The following RPS6KB1 variants were observed in gnomAD, a reference collection of about 807,000 sequenced individuals.
The protein encoded by RPS6KB1 is ribosomal protein S6 kinase beta-1.
A neutral mutation model predicts 70.2 loss-of-function variants in RPS6KB1; 12 were observed. The observed-to-expected ratio is 0.17, with a 90% CI of 0.11 to 0.28. The LOEUF is 0.28. Among genes scored for constraint, RPS6KB1 ranks in the 10% least tolerant of loss-of-function variants. The pLI, the probability that RPS6KB1 is intolerant of heterozygous loss-of-function variation, is 1.00. For synonymous variants in RPS6KB1, 175 were observed against 211.2 expected, an observed-to-expected ratio of 0.83 and a Z score of 1.49; for missense variants, 270 against 646.6, an observed-to-expected ratio of 0.42 and a Z score of 6.32.
intron 1 of RPS6KB1, among the ~76,000 whole-genome samples, chr17:59,909,607 T>C (rs1444947699): frequency 1.3e-5 from 2 of 150,564 alleles, no homozygotes; most frequent in African/African-American, 2.4e-5. Context: ...CCGGGTGTGA[T>C]GGCTCACGCC....
intron 7 of RPS6KB1, 121 bp downstream of exon 7, chr17:59,931,843 A>G (rs2043940722): frequency 1.1e-5 from 7 of 641,904 alleles, no homozygotes; most frequent in Non-Finnish European, 1.9e-5. Flanking sequence ...CCTCCCTCAG[A>G]ATTCATGGCA....
In RPS6KB1 at chr17:59,910,011, C is replaced by G. The variant is rs574961679; in HGVS notation, c.142-551C>G. Among the ~76,000 whole-genome samples the G allele has an allele frequency of 2.6e-5, 4 of 151,056 alleles. No individual in the cohort carries two copies. The East Asian group carries it at 7.8e-4, about 29-fold the overall frequency. ...TGGGCAACAGAGCAAGACTCCATCT[C>G]AAAAAATATATATATATACACAAAA... On this transcript the variant is annotated intron_variant, in intron 1 of 14. Transcript: ENST00000225577.
intron 13 of RPS6KB1, among the ~76,000 whole-genome samples, chr17:59,943,843 C>T (rs2044755509): frequency 6.8e-6 from 1 of 146,230 alleles, no homozygotes; most frequent in African/African-American, 2.5e-5. Context: ...CACTGCACTC[C>T]AGCCTGGGCG....
At chr17:59,908,613 A>ATTTTT (rs546677930) in intron 1 of RPS6KB1, among the ~76,000 whole-genome samples, 31 of 106,186 alleles carry the variant, frequency 2.9e-4, no homozygotes, top group African/African-American at 4.3e-4. Flanking sequence ...TGTAAAAAAA[A>ATTTTT]TTTTTTTTTT....
chr17:59,910,495 CAA>C lies in RPS6KB1; in HGVS notation c.142-65_142-64del, dbSNP rs2042569912. On this transcript the variant is annotated intron_variant, in intron 1 of 14. Transcript: ENST00000225577. ...CATTCATTCTCTTTCAGTTATGAGA[CAA>C]AGAATTAAACCTTTAAATTTTATGT... The C allele has an allele frequency of 8.1e-6, 8 of 986,472 alleles. No individual in the cohort carries two copies. In the South Asian group the frequency reaches 1.1e-4, roughly 13 times the overall value. 61.1% of individuals were successfully genotyped at this position (986,472 alleles called of 1,614,324 possible). A position where few individuals can be genotyped will look rare whatever the true frequency, so the allele number is the denominator to read the frequency against.
Position 59,893,984 on chromosome 17 carries a change from T to C in RPS6KB1, c.141+659T>C. On this transcript the variant is annotated intron_variant, in intron 1 of 14. Coordinates refer to ENST00000225577, the MANE Select transcript of RPS6KB1 (RefSeq NM_003161.4). This position sits in a 1 kb window ranked among gnomAD's most constrained non-coding sequence, Gnocchi z 4.1. Reference sequence around the variant, plus strand: ...CCGTGTGACTTTTTAAAATAAGCATTTATAAGGACACACGGCACTTGTAAC... The same window carrying C: ...CCGTGTGACTTTTTAAAATAAGCATCTATAAGGACACACGGCACTTGTAAC... 4 of 959,648 alleles carry C rather than the reference T, an allele frequency of 4.2e-6. No homozygotes were observed. The highest frequency in any genetic ancestry group is 3.7e-6 in the Non-Finnish European group (3 of 806,712). The allele number at this position is 959,648 out of a possible 1,614,324, so 59.4% of individuals were successfully genotyped here.
chr17:59,907,553 T>TC (rs961327019), intron 1 of RPS6KB1: 3 of 152,186 alleles, frequency 2.0e-5, no homozygotes, highest in African/African-American at 7.3e-5. Flanking sequence ...TTTTTTTTTT[T>TC]TTGAGACAGG....
chr17:59,914,043 T>C (rs2042802024), intron 3 of RPS6KB1, among the ~76,000 whole-genome samples: 2 of 152,194 alleles, frequency 1.3e-5, no homozygotes, highest in Non-Finnish European at 1.5e-5. Flanking sequence ...TTATTGTTTT[T>C]TCCCCCAAAT....
intron 13 of RPS6KB1, among the ~76,000 whole-genome samples, chr17:59,942,977 C>T (rs1029775664): frequency 1.4e-5 from 2 of 147,200 alleles, no homozygotes; most frequent in African/African-American, 5.0e-5. Flanking sequence ...AGTGAGACTC[C>T]GTATCAAAAA....
intron 13 of RPS6KB1, among the ~76,000 whole-genome samples, chr17:59,943,792 C>T (rs756123666): frequency 1.3e-5 from 2 of 150,706 alleles, no homozygotes; most frequent in Non-Finnish European, 2.9e-5. Context: ...ATCGCTTGAA[C>T]CCGGGAGGAG....
chr17:59,920,913 G>A (rs559564260), intron 4 of RPS6KB1, among the ~76,000 whole-genome samples: 10 of 152,156 alleles, frequency 6.6e-5, no homozygotes, highest in Non-Finnish European at 1.5e-4. Flanking sequence ...TGGCCAGGCT[G>A]GTCTCAAACT....
chr17:59,932,311 C>T (rs769954073), intron 7 of RPS6KB1, among the ~76,000 whole-genome samples: 2 of 151,604 alleles, frequency 1.3e-5, no homozygotes, highest in Non-Finnish European at 2.9e-5. Flanking sequence ...ACTCAGGAGG[C>T]TGAGGTGGGA....
intron 13 of RPS6KB1, among the ~76,000 whole-genome samples, chr17:59,943,907 CACAT>C (rs1568510960): frequency 1.5e-5 from 2 of 133,276 alleles, no homozygotes; most frequent in Non-Finnish European, 3.3e-5. Context: ...TATATATATA[CACAT>C]ATATATATAT....
At chr17:59,900,509 G>A (rs2041869635) in intron 1 of RPS6KB1, among the ~76,000 whole-genome samples, 1 of 151,966 alleles carries the variant, frequency 6.6e-6, no homozygotes. Flanking sequence ...AGGATTACAA[G>A]TGCCCGCCAC....
At chr17:59,924,245 C>G (rs1486824762) in intron 4 of RPS6KB1, among the ~76,000 whole-genome samples, 1 of 152,126 alleles carries the variant, frequency 6.6e-6, no homozygotes, top group Non-Finnish European at 1.5e-5. Flanking sequence ...AGGAGAATCA[C>G]TTGAACCTGG....
chr17:59,895,913 G>A (rs1044465256), intron 1 of RPS6KB1, among the ~76,000 whole-genome samples: 1 of 152,154 alleles, frequency 6.6e-6, no homozygotes, highest in Non-Finnish European at 1.5e-5. Context: ...GATTACAGGC[G>A]TGAGCCACTG....
rs200479660 is a variant in RPS6KB1 at position 59,901,474 on chromosome 17, AG to A, written c.141+8151del. 5.5e-4 allele frequency among the ~76,000 whole-genome samples: 82 copies of A among 148,634 alleles called. No homozygotes were observed. The Middle Eastern group carries it at 0.021, about 38-fold the overall frequency. The stretch of plus-strand genomic sequence containing the variant: ...GAGACTCCATCTTAAAAAAAAAAAA[AG>A]GAAATTTTTATCACCCTATAAAGAA... On this transcript the variant is annotated intron_variant, in intron 1 of 14. Coordinates refer to ENST00000225577, the MANE Select transcript of RPS6KB1 (RefSeq NM_003161.4).
chr17:59,902,385 G>A (rs1200038669), intron 1 of RPS6KB1, among the ~76,000 whole-genome samples: 3 of 151,936 alleles, frequency 2.0e-5, no homozygotes, highest in African/African-American at 7.2e-5. Flanking sequence ...GATTACAGGC[G>A]TGAGCCACAG....
intron 1 of RPS6KB1, among the ~76,000 whole-genome samples, chr17:59,898,046 G>A (rs370460349): frequency 1.9e-4 from 29 of 151,978 alleles, no homozygotes; most frequent in African/African-American, 7.0e-4. Flanking sequence ...GTTTTTGGGC[G>A]GAGGGTGTCT....
Sources: gnomAD v4.1 joint callset for allele counts (sites outside exome capture counted in the v4.1 genomes callset) on GRCh38, gnomAD v4.1.1 for gene constraint, Gnocchi (gnomAD v3.1) non-coding constraint, MANE v1.5 for transcripts, NCBI Gene and HGNC (gene_info 2026-07-23, HGNC 2026-07-21) for gene names.